The following FAAH variants were observed in gnomAD, a reference collection of about 807,000 sequenced individuals.
The protein encoded by FAAH is fatty-acid amide hydrolase 1.
FAAH carries 63 observed loss-of-function variants against 69.7 expected under a neutral mutation model. The ratio of observed to expected loss-of-function variants is 0.90; its 90% CI spans 0.74 to 1.12. The LOEUF is 1.12. Among genes scored for constraint, FAAH ranks in the 50% most tolerant of loss-of-function variants. The probability of loss-of-function intolerance (pLI) is 0.00; values close to 1 mark genes in which losing one functional copy is unlikely to be tolerated. For synonymous variants in FAAH, 305 were observed against 324.2 expected, an observed-to-expected ratio of 0.94 and a Z score of 0.64; for missense variants, 680 against 755.0, an observed-to-expected ratio of 0.90 and a Z score of 1.16.
chr1:46,405,357 C>T lies in FAAH; in HGVS notation c.445-15C>T, dbSNP rs201077473. ...CCCTGACTCACTCCCTTCTGGTGCC[C>T]ATCCCTCCTCCCAGGGCCAGGACTC... On this transcript the variant is annotated splice_polypyrimidine_tract_variant and intron_variant, in intron 3 of 14. Coordinates refer to ENST00000243167, the MANE Select transcript of FAAH (RefSeq NM_001441.3). This position sits in a 1 kb window ranked among gnomAD's most constrained non-coding sequence, Gnocchi z 4.1. 37 of 1,608,482 alleles carry T rather than the reference C, an allele frequency of 2.3e-5. No homozygotes were observed. The highest frequency in any genetic ancestry group is 3.1e-5 in the Non-Finnish European group (37 of 1,179,966).
Position 46,405,703 on chromosome 1 carries a change from C to G in FAAH, c.694C>G (p.Leu232Val). The change falls in exon 5 of 15, where the codon CTG (leucine) becomes GTG (valine). Residue 232 changes from leucine to valine, a missense_variant. Transcript: ENST00000243167. This position sits in a 1 kb window ranked among gnomAD's most constrained non-coding sequence, Gnocchi z 4.1. ...CCTCATCGGGTCTGGAGGCTCCCCC[C>G]TGGGCTTAGGCACTGATATCGGAGG... Reference protein sequence around the residue: ...GALIGSGGSPLGLGTDIGGSI... With the variant: ...GALIGSGGSPVGLGTDIGGSI... 6.2e-7 allele frequency: 1 copy of G among 1,613,600 alleles called. No homozygotes were observed. The highest frequency in any genetic ancestry group is 8.5e-7 in the Non-Finnish European group (1 of 1,180,038).
intron 1 of FAAH, among the ~76,000 whole-genome samples, chr1:46,396,327 A>G (rs1664596222): frequency 6.6e-6 from 1 of 152,318 alleles, no homozygotes; most frequent in Admixed American, 6.5e-5. Flanking sequence ...TTACACTGAC[A>G]CATTCCATTC....
At position 46,408,527 on chromosome 1, in the gene FAAH, G is replaced by A. The variant is rs548663541; in HGVS notation, c.1020G>A (p.Pro340=). ...CTGACAACTATACCATGCCCTCCCC[G>A]GCCATGAGGCGGGCCGTGCTGGAGA... ...YETDNYTMPS[P]AMRRAVLETK... Residue 340 remains proline, a synonymous_variant, in exon 8 of 15, where the codon CCG becomes CCA. Coordinates refer to ENST00000243167, the MANE Select transcript of FAAH (RefSeq NM_001441.3). 1.1e-5 allele frequency: 18 copies of A among 1,614,116 alleles called. No homozygotes were observed. The highest frequency in any genetic ancestry group is 4.5e-5 in the East Asian group (2 of 44,872).
chr1:46,395,155 G>T (rs6674305), intron 1 of FAAH, among the ~76,000 whole-genome samples: 4 of 152,084 alleles, frequency 2.6e-5, no homozygotes, highest in Non-Finnish European at 4.4e-5. Flanking sequence ...TGGCCAGGCT[G>T]ATCTCAAACG....
In FAAH at chr1:46,404,055, ATG is replaced by A. The variant is rs1664748848; in HGVS notation, c.310-956_310-955del. On this transcript the variant is annotated intron_variant, in intron 2 of 14. Transcript: ENST00000243167. This position sits in a 1 kb window ranked among gnomAD's most constrained non-coding sequence, Gnocchi z 4.5. ...AGGTGAACTTGTCTGGGTGCAGTGT[ATG>A]TGACAATGCTGTGGGGGCTGCAGCT... 6.6e-6 allele frequency among the ~76,000 whole-genome samples: 1 copy of A among 152,166 alleles called. No homozygotes were observed. Among genetic ancestry groups the A allele is most frequent in the African/African-American group, 2.4e-5 (1 of 41,424 alleles).
At position 46,404,454 on chromosome 1, in the gene FAAH, C is replaced by T. The variant is rs1557758607; in HGVS notation, c.310-560C>T. 6.6e-6 allele frequency among the ~76,000 whole-genome samples: 1 copy of T among 152,216 alleles called. No homozygotes were observed. The highest frequency in any genetic ancestry group is 1.5e-5 in the Non-Finnish European group (1 of 68,034). On this transcript the variant is annotated intron_variant, in intron 2 of 14. Transcript: ENST00000243167. The surrounding 1 kb of genome is among the most constrained non-coding windows in gnomAD (Gnocchi z 4.5). The stretch of plus-strand genomic sequence containing the variant: ...CATGTTCTTCCCTTTTGTCAAGCTC[C>T]TACTCCACATGGCTTGATTATCAAA...
At chr1:46,399,031 G>A (rs943938570) in intron 1 of FAAH, among the ~76,000 whole-genome samples, 3 of 152,138 alleles carry the variant, frequency 2.0e-5, no homozygotes, top group South Asian at 2.1e-4. Context: ...TTTCTAGACC[G>A]AAGAGAAGGA....
At chr1:46,402,317 G>T in intron 2 of FAAH, 113 bp downstream of exon 2, 2 of 936,730 alleles carry the variant, frequency 2.1e-6, no homozygotes, top group South Asian at 1.4e-5. Flanking sequence ...CTGGCCTGGA[G>T]TTAGTCCTGC....
intron 1 of FAAH, among the ~76,000 whole-genome samples, chr1:46,396,929 G>C (rs942826784): frequency 1.3e-5 from 2 of 152,188 alleles, no homozygotes; most frequent in Admixed American, 1.3e-4. Context: ...TATTTAGTAA[G>C]ATAAAAAATA....
rs746168110 is a variant in FAAH, at chr1:46,405,551, A to G, written c.579-37A>G. 6.2e-7 allele frequency: 1 copy of G among 1,613,074 alleles called. No individual in the cohort carries two copies. The highest frequency in any genetic ancestry group is 8.5e-7 in the Non-Finnish European group (1 of 1,180,030). The stretch of plus-strand genomic sequence containing the variant: ...GGGGCGGGGCAGGGGCACCGGTCCC[A>G]GCATGGCACGGGCTGACCCATTCTT... On this transcript the variant is annotated intron_variant, in intron 4 of 14. Coordinates refer to ENST00000243167, the MANE Select transcript of FAAH (RefSeq NM_001441.3). The surrounding 1 kb of genome is among the most constrained non-coding windows in gnomAD (Gnocchi z 4.1).
intron 8 of FAAH, 74 bp from the exon 9 acceptor site, chr1:46,409,027 G>C (rs1318466643): frequency 1.6e-6 from 2 of 1,279,936 alleles, no homozygotes; most frequent in Admixed American, 1.7e-5. Flanking sequence ...CCATCCTCAG[G>C]GCCGCCCAGA....
chr1:46,412,331 C>A, intron 13 of FAAH, 80 bp downstream of exon 13: 1 of 1,243,756 alleles, frequency 8.0e-7, no homozygotes, highest in African/African-American at 1.5e-5. Flanking sequence ...GGAAGAAGAG[C>A]CCTCTGGGAG....
intron 7 of FAAH, among the ~76,000 whole-genome samples, chr1:46,408,019 C>T (rs1481076951): frequency 6.6e-5 from 10 of 152,038 alleles, no homozygotes; most frequent in South Asian, 2.1e-4. Flanking sequence ...ACCGAACCCA[C>T]GGGGATAGGC....
chr1:46,410,808 G>A lies in FAAH; in HGVS notation c.1276-6G>A, dbSNP rs1158497446. ...GAGTCACCGACCCTGCGTCTGTCCT[G>A]TGCAGCTGCCAAGGCTGTCAGCTTT... On this transcript the variant is annotated splice_region_variant and splice_polypyrimidine_tract_variant and intron_variant, in intron 10 of 14. Transcript: ENST00000243167. The surrounding 1 kb of genome is among the most constrained non-coding windows in gnomAD (Gnocchi z 4.9). 1.2e-6 allele frequency: 2 copies of A among 1,614,080 alleles called. No individual in the cohort carries two copies. Among genetic ancestry groups the A allele is most frequent in the Non-Finnish European group, 1.7e-6 (2 of 1,180,044 alleles).
At chr1:46,398,042 T>C (rs1400207362) in intron 1 of FAAH, among the ~76,000 whole-genome samples, 4 of 150,186 alleles carry the variant, frequency 2.7e-5, no homozygotes, top group Admixed American at 2.7e-4. Context: ...CAAGCAATTC[T>C]CCTGCCTCAG....
chr1:46,406,017 C>A (rs200014258), intron 5 of FAAH, 21 bp from the exon 6 acceptor site: 2 of 1,614,152 alleles, frequency 1.2e-6, no homozygotes, highest in East Asian at 4.5e-5. Context: ...CTGTTTCCAG[C>A]ATCTTATGTT....
chr1:46,412,884 A>C (rs1664941585), intron 13 of FAAH, among the ~76,000 whole-genome samples, 191 bp from the exon 14 acceptor site: 1 of 152,154 alleles, frequency 6.6e-6, no homozygotes, highest in Non-Finnish European at 1.5e-5. Context: ...CATGGGGCAA[A>C]CATCAGTGGG....
chr1:46,409,267 G>A, intron 9 of FAAH, 69 bp downstream of exon 9: 9 of 1,229,348 alleles, frequency 7.3e-6, no homozygotes, highest in South Asian at 1.2e-5. Context: ...GAGCAGCAGG[G>A]TGTGGTGATG....
chr1:46,402,166 C>G lies in FAAH; in HGVS notation c.271C>G (p.Leu91Val), dbSNP rs768061288. 6.2e-7 allele frequency: 1 copy of G among 1,608,570 alleles called. No individual in the cohort carries two copies. Among genetic ancestry groups the G allele is most frequent in the Admixed American group, 1.7e-5 (1 of 59,462 alleles). ...QLVQKLHSRE[L>V]APEAVLFTYV... Reference sequence around the variant, plus strand: ...GGTGCAGAAGTTACACAGTAGAGAGCTGGCCCCTGAGGCCGTGCTCTTCAC... The same window carrying G: ...GGTGCAGAAGTTACACAGTAGAGAGGTGGCCCCTGAGGCCGTGCTCTTCAC... The change falls in exon 2 of 15, where the codon CTG becomes GTG. Residue 91 changes from leucine to valine, a missense_variant. By Grantham distance (32) the Leu-to-Val change is conservative. Transcript: ENST00000243167.
Sources: allele counts gnomAD v4.1 joint callset (sites outside exome capture counted in the v4.1 genomes callset), GRCh38; gene constraint gnomAD v4.1.1; non-coding constraint Gnocchi (gnomAD v3.1); transcripts MANE v1.5; gene names NCBI Gene and HGNC (gene_info 2026-07-23, HGNC 2026-07-21).